Variants in ASCL5 observed in about 807,000 individuals in gnomAD.
ASCL5 encodes achaete-scute family bHLH transcription factor 5.
For missense variants in ASCL5, 262 were observed against 268.9 expected, an observed-to-expected ratio of 0.97 and a Z score of 0.18; for synonymous variants, 124 against 131.5, an observed-to-expected ratio of 0.94 and a Z score of 0.39.
intron 1 of ASCL5, among the ~76,000 whole-genome samples, chr1:201,121,322 A>T (rs2102201417): frequency 6.6e-6 from 1 of 152,264 alleles, no homozygotes; most frequent in East Asian, 1.9e-4. Flanking sequence ...TAAGAAACAA[A>T]TAGGGGCTGG....
chr1:201,115,454 GC>G lies in ASCL5; in HGVS notation c.-83del, dbSNP rs2102198477. The G allele has an allele frequency of 8.7e-7, 1 of 1,145,364 alleles. No homozygotes were observed. The highest frequency in any genetic ancestry group is 4.5e-5 in the South Asian group (1 of 22,168). The allele number at this position is 1,145,364 out of a possible 1,614,324, so 71.0% of individuals were successfully genotyped here. On this transcript the variant is annotated 5_prime_UTR_variant, in exon 2 of 2. Coordinates refer to ENST00000449188, the MANE Select transcript of ASCL5 (RefSeq NM_001270601.2). The stretch of plus-strand genomic sequence containing the variant: ...GGTCTGCACCGTCTCCACCAGTGGG[GC>G]AAGTCACATCGCTAGCAGCAGCTCT...
rs1663323552 is a variant in ASCL5, at chr1:201,115,587, C to T, written c.-215G>A. On this transcript the variant is annotated 5_prime_UTR_variant, in exon 2 of 2. Coordinates refer to ENST00000449188, the MANE Select transcript of ASCL5 (RefSeq NM_001270601.2). The stretch of plus-strand genomic sequence containing the variant: ...ACAAGTGTGGCCCCTCTCAGGAGGT[C>T]GGTGCACGCCTTCTCAGAGCCAGCC... The T allele has an allele frequency of 1.6e-5, 6 of 374,892 alleles. No individual in the cohort carries two copies. Among genetic ancestry groups the T allele is most frequent in the African/African-American group, 2.1e-5 (1 of 48,136 alleles). The allele number at this position is 374,892 out of a possible 1,614,324, so 23.2% of individuals were successfully genotyped here.
intron 1 of ASCL5, among the ~76,000 whole-genome samples, chr1:201,117,724 G>A (rs549711987): frequency 3.3e-5 from 5 of 152,276 alleles, no homozygotes; most frequent in Non-Finnish European, 5.9e-5. Flanking sequence ...CTGACTGCCT[G>A]AGCGCTCCGG....
Position 201,124,919 on chromosome 1 carries a change from G to GT in ASCL5, c.-506+2164dup, listed in dbSNP as rs151211376. 7.1e-3 allele frequency among the ~76,000 whole-genome samples: 1,086 copies of GT among 152,288 alleles called. 14 individuals carry two copies. Among genetic ancestry groups the GT allele is most frequent in the African/African-American group, 0.025 (1,039 of 41,558 alleles). ...GCCCCCACCCCAGTTTCCCCTCCTG[G>GT]TGGCTGAGGCCCTCGCAGCTCCCTC... On this transcript the variant is annotated intron_variant, in intron 1 of 1. Transcript: ENST00000449188.
intron 1 of ASCL5, among the ~76,000 whole-genome samples, chr1:201,121,405 G>A (rs553937146): frequency 1.3e-5 from 2 of 152,300 alleles, no homozygotes; most frequent in South Asian, 4.1e-4. Flanking sequence ...CCAGGAATTT[G>A]TGACCAGCTT....
At chr1:201,126,455 G>A (rs1663582409) in intron 1 of ASCL5, among the ~76,000 whole-genome samples, 1 of 152,212 alleles carries the variant, frequency 6.6e-6, no homozygotes. Flanking sequence ...CTGAGGCTCA[G>A]CAAGCTTAAG....
At position 201,115,250 on chromosome 1, in the gene ASCL5, G is replaced by C; in HGVS notation, c.123C>G (p.Gly41=). 8.1e-7 allele frequency: 1 copy of C among 1,231,508 alleles called. No homozygotes were observed. Among genetic ancestry groups the C allele is most frequent in the Non-Finnish European group, 1.0e-6 (1 of 987,860 alleles). 76.3% of individuals were successfully genotyped at this position (1,231,508 alleles called of 1,614,324 possible). ...CCGGGTACAGCAGGAAGGGCACGTT[G>C]CCCAGGGGCTCGGCGGGGGGCAGGG... The part of the protein sequence containing the change: ...QAPLPPAEPL[G]NVPFLLYPGP... Residue 41 remains glycine (G), a synonymous_variant, in exon 2 of 2, where the codon GGC becomes GGG. Coordinates refer to ENST00000449188, the MANE Select transcript of ASCL5 (RefSeq NM_001270601.2).
intron 1 of ASCL5, among the ~76,000 whole-genome samples, chr1:201,119,524 G>A (rs1663409719): frequency 6.6e-6 from 1 of 152,132 alleles, no homozygotes; most frequent in African/African-American, 2.4e-5. Context: ...GGGACTGTGG[G>A]TCCCTAGGTC....
At chr1:201,126,138 A>AT (rs58644617) in intron 1 of ASCL5, among the ~76,000 whole-genome samples, 33,110 of 147,668 alleles carry the variant, frequency 0.22, 4,473 homozygotes, top group African/African-American at 0.39. Context: ...TTTAAAGTTA[A>AT]TTTTTTTTTT....
intron 1 of ASCL5, among the ~76,000 whole-genome samples, chr1:201,118,574 A>G (rs1663393394): frequency 6.6e-6 from 1 of 152,102 alleles, no homozygotes. Context: ...TTCTGCATCT[A>G]TCACTGAATA....
At chr1:201,120,303 C>T (rs1183560193) in intron 1 of ASCL5, among the ~76,000 whole-genome samples, 1 of 152,150 alleles carries the variant, frequency 6.6e-6, no homozygotes, top group Admixed American at 6.5e-5. Flanking sequence ...GTCCCTATTG[C>T]CAGAGGATCT....
intron 1 of ASCL5, among the ~76,000 whole-genome samples, chr1:201,117,660 A>G (rs1187053701): frequency 3.9e-5 from 6 of 151,916 alleles, no homozygotes; most frequent in Non-Finnish European, 7.4e-5. Flanking sequence ...CCCTCTCTAC[A>G]TCTCTCTGCT....
At chr1:201,120,820 T>G (rs766731436) in intron 1 of ASCL5, among the ~76,000 whole-genome samples, 1 of 152,212 alleles carries the variant, frequency 6.6e-6, no homozygotes, top group Non-Finnish European at 1.5e-5. Context: ...TTCCATAGTC[T>G]TCTTCTTCTC....
Position 201,114,817 on chromosome 1 carries a change from C to G in ASCL5, c.556G>C (p.Glu186Gln), listed in dbSNP as rs893897071. Residue 186 changes from glutamate to glutamine, a missense_variant, in exon 2 of 2, where the codon GAG becomes CAG. Coordinates refer to ENST00000449188, the MANE Select transcript of ASCL5 (RefSeq NM_001270601.2). The part of the protein sequence containing the change: ...EARAPSSLVP[E>Q]SSESSCFSPS... Reference sequence around the variant, plus strand: ...GAGAAGCAGGAGGACTCGGATGACTCCGGCACCAGGGAGGAGGGCGCCCGG... The same window carrying G: ...GAGAAGCAGGAGGACTCGGATGACTGCGGCACCAGGGAGGAGGGCGCCCGG... The G allele has an allele frequency of 4.5e-5, 55 of 1,230,838 alleles. No homozygotes were observed. Among genetic ancestry groups the G allele is most frequent in the Admixed American group, 8.4e-5 (2 of 23,674 alleles). The allele number at this position is 1,230,838 out of a possible 1,614,324, so 76.2% of individuals were successfully genotyped here.
At chr1:201,117,993 G>A (rs1437676970) in intron 1 of ASCL5, among the ~76,000 whole-genome samples, 1 of 151,978 alleles carries the variant, frequency 6.6e-6, no homozygotes, top group East Asian at 1.9e-4. Flanking sequence ...ATTTGATAGG[G>A]GTCAGAAGTT....
intron 1 of ASCL5, 32 bp downstream of exon 1, chr1:201,127,052 A>G (rs1249106719): frequency 1.3e-5 from 2 of 152,416 alleles, no homozygotes; most frequent in African/African-American, 4.8e-5. Context: ...AAACTCGGGC[A>G]CATCCCTCAG....
At chr1:201,122,597 G>C (rs1051934551) in intron 1 of ASCL5, among the ~76,000 whole-genome samples, 9 of 152,188 alleles carry the variant, frequency 5.9e-5, no homozygotes, top group Non-Finnish European at 1.0e-4. Context: ...TCATTGGGTT[G>C]ATATGAGGAC....
At chr1:201,121,840 C>A (rs1042070705) in intron 1 of ASCL5, among the ~76,000 whole-genome samples, 102 of 150,474 alleles carry the variant, frequency 6.8e-4, no homozygotes, top group Admixed American at 2.2e-3. Context: ...AAAAAAAAAA[C>A]CCCAAAACAA....
At chr1:201,116,346 C>T (rs933642786) in intron 1 of ASCL5, among the ~76,000 whole-genome samples, 4 of 152,122 alleles carry the variant, frequency 2.6e-5, no homozygotes, top group African/African-American at 9.7e-5. Flanking sequence ...AAAGGAATGC[C>T]TCTTTGATAA....
Sources: gnomAD v4.1 joint callset for allele counts (sites outside exome capture counted in the v4.1 genomes callset) on GRCh38, gnomAD v4.1.1 for gene constraint, MANE v1.5 for transcripts, NCBI Gene and HGNC (gene_info 2026-07-23, HGNC 2026-07-21) for gene names.